The following ANTXR1 variants were observed in gnomAD, a reference collection of about 807,000 sequenced individuals.
ANTXR1 encodes the protein ANTXR cell adhesion molecule 1, also known as anthrax toxin receptor 1.
ANTXR1 carries 19 observed loss-of-function variants against 78.1 expected under a neutral mutation model. The observed-to-expected ratio is 0.24, with a 90% CI of 0.17 to 0.36. ANTXR1 has a LOEUF of 0.36. ANTXR1 is among the 10% of genes least tolerant of loss of function. The pLI is 1.00. For synonymous variants in ANTXR1, 273 were observed against 260.5 expected (o/e 1.05, Z -0.46); for missense variants, 518 against 718.6 (o/e 0.72, Z 3.19).
At chr2:69,143,029 T>C in intron 12 of ANTXR1, among the ~76,000 whole-genome samples, 1 of 152,196 alleles carries the variant, frequency 6.6e-6, no homozygotes, top group Non-Finnish European at 1.5e-5. Context: ...AATTCTCAAA[T>C]GTTAAGAACT....
chr2:69,168,182 AG>A (rs531021149), intron 13 of ANTXR1, among the ~76,000 whole-genome samples: 5 of 152,154 alleles, frequency 3.3e-5, no homozygotes, highest in Non-Finnish European at 5.9e-5. Context: ...TAGTATATGC[AG>A]GGGGGGTATG....
chr2:69,041,774 C>T (rs1157730771), intron 2 of ANTXR1, among the ~76,000 whole-genome samples: 2 of 152,112 alleles, frequency 1.3e-5, no homozygotes, highest in African/African-American at 4.8e-5. Context: ...TTAAGAGAAC[C>T]CTTAATCCAA....
chr2:69,090,701 A>G (rs2104281951), intron 8 of ANTXR1, 158 bp from the exon 9 acceptor site: 1 of 685,588 alleles, frequency 1.5e-6, no homozygotes, highest in Non-Finnish European at 2.6e-6. Flanking sequence ...AATGTTTGGT[A>G]TTGGTACTAG....
At chr2:69,222,872 G>A (rs763495786) in intron 17 of ANTXR1, among the ~76,000 whole-genome samples, 2 of 152,214 alleles carry the variant, frequency 1.3e-5, no homozygotes, top group Non-Finnish European at 2.9e-5. Flanking sequence ...GTTCCATTCT[G>A]CATAAATTAC....
intron 12 of ANTXR1, among the ~76,000 whole-genome samples, chr2:69,130,147 A>C (rs1672688735): frequency 6.6e-6 from 1 of 152,182 alleles, no homozygotes. Context: ...AACACCCAAG[A>C]TGTGGCAGTG....
intron 1 of ANTXR1, among the ~76,000 whole-genome samples, chr2:69,028,039 C>A (rs1000659547): frequency 6.6e-6 from 1 of 151,930 alleles, no homozygotes; most frequent in Non-Finnish European, 1.5e-5. Flanking sequence ...TTAAGGAATT[C>A]TCATAATTTC....
intron 14 of ANTXR1, 118 bp downstream of exon 14, chr2:69,170,407 A>G: frequency 8.4e-7 from 1 of 1,195,124 alleles, no homozygotes. Context: ...AGCTCAAAGG[A>G]TTTAATGTAC....
At chr2:69,077,190 A>C in intron 7 of ANTXR1, 2 of 595,404 alleles carry the variant, frequency 3.4e-6, no homozygotes, top group South Asian at 4.0e-5. Flanking sequence ...AAACAAATGT[A>C]AAAGCTGGAG....
At chr2:69,175,251 C>G (rs1674089211) in intron 14 of ANTXR1, among the ~76,000 whole-genome samples, 1 of 152,198 alleles carries the variant, frequency 6.6e-6, no homozygotes, top group African/African-American at 2.4e-5. Flanking sequence ...TCTCTTATCC[C>G]TATGTTTCCC....
intron 13 of ANTXR1, among the ~76,000 whole-genome samples, chr2:69,156,064 C>T (rs918780549): frequency 6.6e-6 from 1 of 152,184 alleles, no homozygotes; most frequent in African/African-American, 2.4e-5. Context: ...ATATCAGTCA[C>T]CTCAGAAGAG....
intron 12 of ANTXR1, among the ~76,000 whole-genome samples, chr2:69,134,008 T>C (rs57049724): frequency 0.15 from 22,987 of 152,172 alleles, 1,928 homozygotes; most frequent in African/African-American, 0.2. Flanking sequence ...CTTAGTTTTC[T>C]TGTACTGATG....
chr2:69,108,032 T>C (rs11674873), intron 10 of ANTXR1, among the ~76,000 whole-genome samples: 56,835 of 152,044 alleles, frequency 0.37, 11,363 homozygotes, highest in East Asian at 0.5. Context: ...CAATAGAACT[T>C]TCTGTAATGA....
At chr2:69,088,309 A>G (rs1361859269) in intron 8 of ANTXR1, among the ~76,000 whole-genome samples, 1 of 152,192 alleles carries the variant, frequency 6.6e-6, no homozygotes, top group East Asian at 1.9e-4. Context: ...TGTTTGGGGA[A>G]TGGGAACAGG....
chr2:69,043,344 A>G (rs1035931747), intron 2 of ANTXR1, among the ~76,000 whole-genome samples: 3 of 152,204 alleles, frequency 2.0e-5, no homozygotes, highest in Non-Finnish European at 2.9e-5. Flanking sequence ...CAGTTGTTCA[A>G]GTATAATGAG....
intron 17 of ANTXR1, among the ~76,000 whole-genome samples, chr2:69,225,628 T>C (rs1675426832): frequency 6.6e-6 from 1 of 152,118 alleles, no homozygotes; most frequent in South Asian, 2.1e-4. Context: ...AGGCACTCAT[T>C]AACCTCATGG....
At chr2:69,042,350 C>G (rs1039714969) in intron 2 of ANTXR1, among the ~76,000 whole-genome samples, 11 of 152,164 alleles carry the variant, frequency 7.2e-5, no homozygotes, top group African/African-American at 2.4e-4. Flanking sequence ...GTAGTAGACA[C>G]GAGTTCAAGT....
At chr2:69,220,342 T>A (rs1248255254) in intron 17 of ANTXR1, among the ~76,000 whole-genome samples, 2 of 152,176 alleles carry the variant, frequency 1.3e-5, no homozygotes, top group Non-Finnish European at 2.9e-5. Context: ...TGACCAAAAT[T>A]AAACCGTTGC....
At chr2:69,092,261 A>G (rs2104287204) in intron 9 of ANTXR1, among the ~76,000 whole-genome samples, 1 of 152,358 alleles carries the variant, frequency 6.6e-6, no homozygotes, top group East Asian at 1.9e-4. Context: ...ACTGGTATAA[A>G]TGAGGGAACT....
At chr2:69,127,069 A>G (rs1237206135) in intron 12 of ANTXR1, among the ~76,000 whole-genome samples, 1 of 152,216 alleles carries the variant, frequency 6.6e-6, no homozygotes. Context: ...ATATCAGAGA[A>G]TGCAACAGAT....
Sources: allele counts gnomAD v4.1 joint callset (sites outside exome capture counted in the v4.1 genomes callset), GRCh38; gene constraint gnomAD v4.1.1; transcripts MANE v1.5; gene names NCBI Gene and HGNC (gene_info 2026-07-23, HGNC 2026-07-21).